Variants in RNF144A observed in about 807,000 individuals in gnomAD.
RNF144A encodes ring finger protein 144A, also known as E3 ubiquitin-protein ligase RNF144A.
Under a neutral mutation model 38.7 loss-of-function variants are expected in RNF144A, and 11 were observed. That is an observed-to-expected ratio of 0.28 (90% CI 0.18 to 0.47). The LOEUF (loss-of-function observed/expected upper bound fraction) is 0.47, where lower values mean the gene tolerates loss of function less well. Among genes scored for constraint, RNF144A ranks in the 20% least tolerant of loss-of-function variants. The pLI is 0.99. For synonymous variants in RNF144A, 149 were observed against 143.9 expected, an observed-to-expected ratio of 1.04 and a Z score of -0.25; for missense variants, 316 against 377.2, an observed-to-expected ratio of 0.84 and a Z score of 1.34.
chr2:6,992,815 G>A (rs570698185), intron 2 of RNF144A, among the ~76,000 whole-genome samples: 1 of 152,302 alleles, frequency 6.6e-6, no homozygotes, highest in Admixed American at 6.5e-5. Context: ...TCTTATCCTT[G>A]TGTCCACACC....
Position 7,044,127 on chromosome 2 carries a change from C to G in RNF144A, c.*4367C>G, listed in dbSNP as rs995647878. ...TTACGTAGTTTGTCCCCCCCTTTAG[C>G]AGGGATTCCTTTTTAAAGCTATTTT... is the stretch of plus-strand genomic sequence containing the variant. On this transcript the variant is annotated 3_prime_UTR_variant, in exon 9 of 9. Coordinates refer to ENST00000320892, the MANE Select transcript of RNF144A (RefSeq NM_014746.6). 3 of 985,590 alleles carry G rather than the reference C, an allele frequency of 3.0e-6. No individual in the cohort carries two copies. The highest frequency in any genetic ancestry group is 3.6e-6 in the Non-Finnish European group (3 of 829,900). The allele number at this position is 985,590 out of a possible 1,614,324, so 61.1% of individuals were successfully genotyped here.
At chr2:7,015,888 C>T (rs1671104326) in intron 5 of RNF144A, among the ~76,000 whole-genome samples, 1 of 152,074 alleles carries the variant, frequency 6.6e-6, no homozygotes, top group Admixed American at 6.6e-5. Context: ...GGTGGGCTTA[C>T]ATGAAAACAT....
downstream of RNF144A, among the ~76,000 whole-genome samples, chr2:7,070,572 G>A (rs1674432946): frequency 5.3e-5 from 8 of 152,282 alleles, no homozygotes; most frequent in Admixed American, 2.0e-4. Flanking sequence ...AATAGAGAGT[G>A]TTTGCAGATA....
rs1381884320 is a variant in RNF144A, at chr2:7,042,112, A to C, written c.*2352A>C. On this transcript the variant is annotated 3_prime_UTR_variant, in exon 9 of 9. Transcript: ENST00000320892. ...GTTTCCTCATTTTGATCTAGATATA[A>C]AATTAAAATTGTCCATTTCCTATAT... 2.0e-6 allele frequency: 2 copies of C among 985,232 alleles called. No individual in the cohort carries two copies. Among genetic ancestry groups the C allele is most frequent in the African/African-American group, 3.5e-5 (2 of 57,216 alleles). The allele number at this position is 985,232 out of a possible 1,614,324, so 61.0% of individuals were successfully genotyped here.
At chr2:6,991,827 T>C (rs905909850) in intron 2 of RNF144A, among the ~76,000 whole-genome samples, 2 of 152,176 alleles carry the variant, frequency 1.3e-5, no homozygotes, top group East Asian at 3.9e-4. Flanking sequence ...TAAATACATA[T>C]ATATATGTAT....
At chr2:7,026,473 T>C (rs191795415) in intron 7 of RNF144A, among the ~76,000 whole-genome samples, 2 of 151,966 alleles carry the variant, frequency 1.3e-5, no homozygotes, top group Non-Finnish European at 2.9e-5. Context: ...GTCTTATTTA[T>C]TTATTTTTGT....
intron 3 of RNF144A, among the ~76,000 whole-genome samples, chr2:7,003,380 G>C (rs750476254): frequency 6.6e-6 from 1 of 152,060 alleles, no homozygotes; most frequent in Non-Finnish European, 1.5e-5. Context: ...CATGGTAAGC[G>C]CCCTGTATAA....
chr2:6,932,972 GCAAA>G (rs1468911459), intron 1 of RNF144A: 1 of 152,200 alleles, frequency 6.6e-6, no homozygotes, highest in African/African-American at 2.4e-5. Flanking sequence ...TACGATGCAT[GCAAA>G]CAGAGAGGTG....
intron 2 of RNF144A, among the ~76,000 whole-genome samples, chr2:6,995,693 G>A (rs572536893): frequency 5.0e-4 from 76 of 152,344 alleles, no homozygotes; most frequent in African/African-American, 1.7e-3. Context: ...TTTTCTGCCT[G>A]CTTTTTATTC....
Position 6,985,741 on chromosome 2 carries a change from C to T in RNF144A, c.-11-11175C>T, listed in dbSNP as rs372396125. ...AGGCTGGAGTGCAGTGGCGCCATCT[C>T]GGCTCACTGCAAGCTCCGCCTCCTG... On this transcript the variant is annotated intron_variant, in intron 2 of 8. Coordinates refer to ENST00000320892, the MANE Select transcript of RNF144A (RefSeq NM_014746.6). Among the ~76,000 whole-genome samples, 356 of 152,316 alleles carry T rather than the reference C, an allele frequency of 2.3e-3. 1 individual carries two copies. Among genetic ancestry groups the T allele is most frequent in the South Asian group, 9.3e-3 (45 of 4,826 alleles).
At position 6,958,756 on chromosome 2, in the gene RNF144A, G is replaced by A. The variant is rs897305471; in HGVS notation, c.-12+17609G>A. Among the ~76,000 whole-genome samples, 3 of 152,204 alleles carry A rather than the reference G, an allele frequency of 2.0e-5. No homozygotes were observed. Among genetic ancestry groups the A allele is most frequent in the African/African-American group, 4.8e-5 (2 of 41,460 alleles). On this transcript the variant is annotated intron_variant, in intron 2 of 8. Coordinates refer to ENST00000320892, the MANE Select transcript of RNF144A (RefSeq NM_014746.6). The surrounding 1 kb of genome is among the most constrained non-coding windows in gnomAD (Gnocchi z 4.5). ...TCAGACAGTTGCTTCTGTGCATCCCGCAGGAGGAGGCAGAGGAGGACATGG... is the reference window on the plus strand; with the variant it reads ...TCAGACAGTTGCTTCTGTGCATCCCACAGGAGGAGGCAGAGGAGGACATGG...
At position 7,032,194 on chromosome 2, in the gene RNF144A, C is replaced by T. The variant is rs576001633; in HGVS notation, c.747+1979C>T. On this transcript the variant is annotated intron_variant, in intron 8 of 8. Transcript: ENST00000320892. Reference sequence around the variant, plus strand: ...GGCCCGGCACGGCTTGAATCCACGCCCCTTGCAGCTCTGCTGGAATCCGCG... The same window carrying T: ...GGCCCGGCACGGCTTGAATCCACGCTCCTTGCAGCTCTGCTGGAATCCGCG... Among the ~76,000 whole-genome samples, 153 of 151,730 alleles carry T rather than the reference C, an allele frequency of 1.0e-3. No individual in the cohort carries two copies. In the Middle Eastern group the frequency reaches 0.017, roughly 17 times the overall value.
intron 6 of RNF144A, among the ~76,000 whole-genome samples, chr2:7,049,794 G>A (rs1673446091): frequency 6.6e-6 from 1 of 152,176 alleles, no homozygotes; most frequent in African/African-American, 2.4e-5. Flanking sequence ...AGGAAAGAAA[G>A]TTCCAACAAA....
chr2:6,981,311 A>G (rs1453336085), intron 2 of RNF144A, among the ~76,000 whole-genome samples: 1 of 151,974 alleles, frequency 6.6e-6, no homozygotes, highest in Admixed American at 6.5e-5. Flanking sequence ...TCAGGCTGCA[A>G]ATTTTCTAAA....
chr2:7,051,563 C>T (rs556292369), intron 6 of RNF144A, among the ~76,000 whole-genome samples: 47 of 152,208 alleles, frequency 3.1e-4, no homozygotes, highest in African/African-American at 1.1e-3. Context: ...CTATGCCCAG[C>T]CTGTGGAGTG....
chr2:7,050,177 TTA>T, intron 6 of RNF144A, among the ~76,000 whole-genome samples: 1 of 152,292 alleles, frequency 6.6e-6, no homozygotes, highest in African/African-American at 2.4e-5. Flanking sequence ...TCACTTTGAA[TTA>T]TAACAATCCC....
intron 2 of RNF144A, among the ~76,000 whole-genome samples, chr2:6,942,905 A>C (rs1666102502): frequency 6.6e-6 from 1 of 152,098 alleles, no homozygotes; most frequent in Non-Finnish European, 1.5e-5. Flanking sequence ...AATTGCTTGA[A>C]CCTGGGAGGC....
At chr2:7,019,047 C>G (rs979164541) in intron 5 of RNF144A, among the ~76,000 whole-genome samples, 1 of 152,176 alleles carries the variant, frequency 6.6e-6, no homozygotes, top group African/African-American at 2.4e-5. Context: ...ACAGCAAAGC[C>G]CAGTAGCTGC....
At chr2:7,070,087 G>C (rs7578360), downstream of RNF144A, among the ~76,000 whole-genome samples, 46,335 of 152,052 alleles carry the variant, frequency 0.3, 7,811 homozygotes, top group East Asian at 0.49. Flanking sequence ...CTTTGAGACT[G>C]TAGGAGACTT....
Sources: gnomAD v4.1 joint callset for allele counts (sites outside exome capture counted in the v4.1 genomes callset) on GRCh38, gnomAD v4.1.1 for gene constraint, Gnocchi (gnomAD v3.1) non-coding constraint, MANE v1.5 for transcripts, NCBI Gene and HGNC (gene_info 2026-07-23, HGNC 2026-07-21) for gene names.